Variants in MTBP observed in about 807,000 individuals in gnomAD.
MTBP encodes mdm2-binding protein.
Under a neutral mutation model 117.0 loss-of-function variants are expected in MTBP, and 101 were observed. The ratio of observed to expected loss-of-function variants is 0.86; its 90% CI spans 0.73 to 1.02. MTBP has a LOEUF of 1.02. MTBP is among the 50% of genes least tolerant of loss of function. The pLI is 0.00. For missense variants in MTBP, 970 were observed against 1,030.9 expected (o/e 0.94, Z 0.81); for synonymous variants, 350 against 351.5 (o/e 1.00, Z 0.05).
chr8:120,455,420 T>C lies in MTBP; in HGVS notation c.485-15T>C, dbSNP rs778664493. ...ACTTTTTAAAAATTACAAAAATGCCTTTTTCTCTTTCTAGGTAGAGCAATG... is the reference window on the plus strand; with the variant it reads ...ACTTTTTAAAAATTACAAAAATGCCCTTTTCTCTTTCTAGGTAGAGCAATG... On this transcript the variant is annotated splice_polypyrimidine_tract_variant and intron_variant, in intron 5 of 21. Coordinates refer to ENST00000305949, the MANE Select transcript of MTBP (RefSeq NM_022045.5). 2 of 1,548,484 alleles carry C rather than the reference T, an allele frequency of 1.3e-6. No individual in the cohort carries two copies. The highest frequency in any genetic ancestry group is 4.7e-5 in the East Asian group (2 of 42,476).
At chr8:120,503,565 C>T (rs182695245) in intron 15 of MTBP, among the ~76,000 whole-genome samples, 35 of 152,250 alleles carry the variant, frequency 2.3e-4, no homozygotes, top group African/African-American at 7.7e-4. Flanking sequence ...CATTCAGTCA[C>T]ACAGGACCAA....
chr8:120,498,461 G>T (rs1814515784), intron 14 of MTBP, among the ~76,000 whole-genome samples: 1 of 152,168 alleles, frequency 6.6e-6, no homozygotes, highest in Non-Finnish European at 1.5e-5. Context: ...ATAGCTCCAT[G>T]GTTATAGCAT....
rs1563788147 is a variant in MTBP at position 120,463,737 on chromosome 8, G to A, written c.1023G>A (p.Glu341=). 3 of 1,612,058 alleles carry A rather than the reference G, an allele frequency of 1.9e-6. No individual in the cohort carries two copies. The highest frequency in any genetic ancestry group is 1.7e-6 in the Non-Finnish European group (2 of 1,178,762). Residue 341 remains glutamate, a synonymous_variant, in exon 10 of 22, where the codon GAG becomes GAA. Transcript: ENST00000305949. ...AACAGAATTCTGTGTTGCTGTTGGA[G>A]CAGATTTCTTCTCTGTGTAGCAAGG... ...STKQNSVLLL[E]QISSLCSKVG... is the part of the protein sequence containing the mutation.
intron 8 of MTBP, 69 bp downstream of exon 8, chr8:120,459,418 C>T (rs1813539551): frequency 6.9e-6 from 10 of 1,453,866 alleles, no homozygotes; most frequent in Non-Finnish European, 9.3e-6. Flanking sequence ...ATGTTTGAAT[C>T]TTGACTTAAT....
chr8:120,520,407 A>G (rs997553032), intron 20 of MTBP, among the ~76,000 whole-genome samples: 2 of 152,156 alleles, frequency 1.3e-5, no homozygotes, highest in Non-Finnish European at 2.9e-5. Flanking sequence ...GGCTAAGAAA[A>G]TTGGAGGATT....
At chr8:120,482,592 CTTAA>C (rs1455719916) in intron 11 of MTBP, among the ~76,000 whole-genome samples, 2 of 151,866 alleles carry the variant, frequency 1.3e-5, no homozygotes, top group Non-Finnish European at 2.9e-5. Context: ...CCTAATATTA[CTTAA>C]TTGTTTAAAA....
At chr8:120,450,729 T>C (rs1813320941) in intron 2 of MTBP, among the ~76,000 whole-genome samples, 1 of 152,182 alleles carries the variant, frequency 6.6e-6, no homozygotes, top group Admixed American at 6.5e-5. Flanking sequence ...GTAATCTGTG[T>C]GAAATGATGA....
intron 10 of MTBP, among the ~76,000 whole-genome samples, chr8:120,468,254 C>A (rs906662548): frequency 5.3e-5 from 8 of 151,810 alleles, no homozygotes; most frequent in Non-Finnish European, 1.0e-4. Context: ...TTTCTTTTAA[C>A]CTTTCTTATT....
At chr8:120,505,111 C>G (rs1171476709) in intron 15 of MTBP, among the ~76,000 whole-genome samples, 1 of 151,542 alleles carries the variant, frequency 6.6e-6, no homozygotes, top group South Asian at 2.1e-4. Flanking sequence ...GTCTGGTTGT[C>G]CTTGATTGTC....
chr8:120,496,340 C>G (rs1426159604), intron 13 of MTBP, among the ~76,000 whole-genome samples: 3 of 152,330 alleles, frequency 2.0e-5, no homozygotes, highest in Admixed American at 1.3e-4. Context: ...CTCTCCCCCT[C>G]AACACCTTTC....
chr8:120,514,508 G>A (rs565673334), intron 17 of MTBP, among the ~76,000 whole-genome samples: 3 of 152,174 alleles, frequency 2.0e-5, no homozygotes, highest in South Asian at 2.1e-4. Flanking sequence ...CACTGAGCAA[G>A]TAGTATTTCT....
At position 120,458,771 on chromosome 8, in the gene MTBP, G is replaced by A. The variant is rs527556488; in HGVS notation, c.748-444G>A. Among the ~76,000 whole-genome samples, 5 of 151,726 alleles carry A rather than the reference G, an allele frequency of 3.3e-5. No homozygotes were observed. In the East Asian group the frequency reaches 9.7e-4, roughly 30 times the overall value. On this transcript the variant is annotated intron_variant, in intron 7 of 21. Transcript: ENST00000305949. ...CAGGAGAATCACTTGAACCCAGGAG[G>A]TGGAGATTGCAGTTAGGCAAGATTG...
chr8:120,501,846 AAATCCCAATATT>A (rs1393911457), intron 14 of MTBP, among the ~76,000 whole-genome samples: 1 of 152,184 alleles, frequency 6.6e-6, no homozygotes, highest in Non-Finnish European at 1.5e-5. Context: ...TTTTCATTGA[AAATCCCAATATT>A]AACAGCAATC....
chr8:120,467,123 C>G (rs1318015546), intron 10 of MTBP, among the ~76,000 whole-genome samples: 6 of 152,098 alleles, frequency 3.9e-5, no homozygotes, highest in Non-Finnish European at 2.9e-5. Flanking sequence ...TAAGTAAAAA[C>G]TTCTTGGAGT....
intron 11 of MTBP, among the ~76,000 whole-genome samples, chr8:120,485,598 C>T (rs928564110): frequency 6.6e-6 from 1 of 152,068 alleles, no homozygotes; most frequent in African/African-American, 2.4e-5. Flanking sequence ...GCTTTGAAGT[C>T]TTTGTTATAT....
intron 10 of MTBP, among the ~76,000 whole-genome samples, chr8:120,467,717 T>G (rs1813728808): frequency 7.3e-5 from 11 of 151,228 alleles, no homozygotes; most frequent in Admixed American, 7.2e-4. Flanking sequence ...ATCTAATGAT[T>G]AGTGTATGGG....
chr8:120,456,193 C>T (rs1813464780), intron 6 of MTBP, among the ~76,000 whole-genome samples: 1 of 152,040 alleles, frequency 6.6e-6, no homozygotes, highest in African/African-American at 2.4e-5. Context: ...GAATTCCATG[C>T]AAAGATGTAT....
At chr8:120,456,430 A>T in intron 6 of MTBP, 123 bp from the exon 7 acceptor site, 1 of 600,284 alleles carries the variant, frequency 1.7e-6, no homozygotes, top group South Asian at 2.0e-5. Flanking sequence ...GTTTCATATT[A>T]ATAGGAAAAA....
chr8:120,507,450 T>C (rs7465620), intron 16 of MTBP, among the ~76,000 whole-genome samples: 83,668 of 151,486 alleles, frequency 0.55, 25,260 homozygotes, highest in Non-Finnish European at 0.67. Context: ...CAAAATTGAC[T>C]GTAAAATTGT....
Sources: allele counts gnomAD v4.1 joint callset (sites outside exome capture counted in the v4.1 genomes callset), GRCh38; gene constraint gnomAD v4.1.1; transcripts MANE v1.5; gene names NCBI Gene and HGNC (gene_info 2026-07-23, HGNC 2026-07-21).